The following GNAL variants were observed in gnomAD, a reference collection of about 807,000 sequenced individuals.
GNAL encodes the protein G protein subunit alpha L.
A neutral mutation model predicts 55.1 loss-of-function variants in GNAL; 18 were observed. That is an observed-to-expected ratio of 0.33 (90% CI 0.23 to 0.48). The LOEUF is 0.48. Ranked by LOEUF, GNAL falls within the 20% of genes least tolerant of loss-of-function variation. GNAL has a pLI of 0.99. For synonymous variants in GNAL, 253 were observed against 237.0 expected (o/e 1.07, Z -0.62); for missense variants, 412 against 614.1 (o/e 0.67, Z 3.48).
chr18:11,768,126 C>G (rs529391051), intron 4 of GNAL, among the ~76,000 whole-genome samples: 1 of 152,144 alleles, frequency 6.6e-6, no homozygotes, highest in Non-Finnish European at 1.5e-5. Context: ...ACTAAACATG[C>G]CTTTACTGAG....
intron 1 of GNAL, among the ~76,000 whole-genome samples, chr18:11,698,612 G>T (rs1480846935): frequency 6.6e-6 from 1 of 152,132 alleles, no homozygotes; most frequent in Non-Finnish European, 1.5e-5. Flanking sequence ...CAGTGACGGT[G>T]GCTGCTCTTG....
intron 4 of GNAL, among the ~76,000 whole-genome samples, chr18:11,795,895 G>A (rs550430295): frequency 6.6e-6 from 1 of 152,286 alleles, no homozygotes; most frequent in East Asian, 1.9e-4. Flanking sequence ...GCCTTGCCAT[G>A]GGTTAAGAGT....
intron 4 of GNAL, among the ~76,000 whole-genome samples, chr18:11,771,215 T>TA (rs539820206): frequency 0.063 from 8,087 of 128,584 alleles, 717 homozygotes; most frequent in African/African-American, 0.2. Context: ...TGAAACTCTG[T>TA]AAAAAAAAAA....
chr18:11,843,320 T>A (rs541474373), intron 5 of GNAL, among the ~76,000 whole-genome samples: 19 of 152,164 alleles, frequency 1.2e-4, no homozygotes, highest in African/African-American at 4.1e-4. Flanking sequence ...CCAATATGGT[T>A]TCACCTACTA....
chr18:11,803,526 A>G (rs1017318704), intron 4 of GNAL, among the ~76,000 whole-genome samples: 2 of 152,166 alleles, frequency 1.3e-5, no homozygotes, highest in African/African-American at 2.4e-5. Flanking sequence ...ACCAGTTTTT[A>G]TATATTATCT....
At chr18:11,698,719 T>TGG (rs67076514) in intron 1 of GNAL, among the ~76,000 whole-genome samples, 3 of 151,794 alleles carry the variant, frequency 2.0e-5, no homozygotes, top group African/African-American at 4.9e-5. Context: ...GAGACTGGAA[T>TGG]GGTGGGTGCT....
intron 4 of GNAL, among the ~76,000 whole-genome samples, chr18:11,806,408 T>A (rs1316440143): frequency 6.6e-6 from 1 of 152,220 alleles, no homozygotes; most frequent in Non-Finnish European, 1.5e-5. Flanking sequence ...TAGTCATGAA[T>A]TCTTTGCCTA....
intron 4 of GNAL, among the ~76,000 whole-genome samples, chr18:11,771,935 G>C (rs2033648561): frequency 6.6e-6 from 1 of 151,942 alleles, no homozygotes; most frequent in Non-Finnish European, 1.5e-5. Flanking sequence ...TGGCCAGCCT[G>C]GTCTCGAACT....
chr18:11,812,120 T>G (rs1255127822), intron 4 of GNAL, among the ~76,000 whole-genome samples: 3 of 152,098 alleles, frequency 2.0e-5, no homozygotes, highest in Admixed American at 1.3e-4. Context: ...ATTAATTTTG[T>G]GGGAAAAAAA....
chr18:11,851,906 T>C, intron 5 of GNAL: 2 of 1,613,822 alleles, frequency 1.2e-6, no homozygotes, highest in South Asian at 1.1e-5. Context: ...ACGCAGCAAA[T>C]GGAAGACACG....
At chr18:11,781,750 A>G (rs979642695) in intron 4 of GNAL, among the ~76,000 whole-genome samples, 10 of 152,234 alleles carry the variant, frequency 6.6e-5, no homozygotes, top group Admixed American at 5.2e-4. Context: ...ATACAACTGA[A>G]CTGCCAAGCT....
At chr18:11,806,913 C>T (rs994874508) in intron 4 of GNAL, among the ~76,000 whole-genome samples, 28 of 152,158 alleles carry the variant, frequency 1.8e-4, no homozygotes, top group African/African-American at 6.5e-4. Context: ...GTGATCCGCC[C>T]GCCTCGGCCT....
At position 11,689,478 on chromosome 18, in the gene GNAL, G is replaced by C. The variant is rs2031163321; in HGVS notation, c.-86G>C. 2 of 573,050 alleles carry C rather than the reference G, an allele frequency of 3.5e-6. No individual in the cohort carries two copies. Among genetic ancestry groups the C allele is most frequent in the South Asian group, 8.3e-5 (1 of 12,050 alleles). The allele number at this position is 573,050 out of a possible 1,614,324, so 35.5% of individuals were successfully genotyped here. On this transcript the variant is annotated 5_prime_UTR_variant, in exon 1 of 12. Transcript: ENST00000334049. Reference sequence around the variant, plus strand: ...CCTCCCGCCCCTCCGCTGAGGCGCCGGCCTGAACTGGGCGCGGGAACCAGG... The same window carrying C: ...CCTCCCGCCCCTCCGCTGAGGCGCCCGCCTGAACTGGGCGCGGGAACCAGG...
At chr18:11,733,329 A>C (rs2032384787) in intron 1 of GNAL, among the ~76,000 whole-genome samples, 1 of 152,228 alleles carries the variant, frequency 6.6e-6, no homozygotes, top group Non-Finnish European at 1.5e-5. Flanking sequence ...TCACCCTTTA[A>C]ACTGCTCTGC....
chr18:11,853,580 A>T (rs61262839), intron 5 of GNAL: 94 of 167,168 alleles, frequency 5.6e-4, no homozygotes, highest in African/African-American at 2.1e-3. Context: ...TTCATAACCA[A>T]CTATTCACTA....
At chr18:11,809,213 G>A (rs565259959) in intron 4 of GNAL, among the ~76,000 whole-genome samples, 2 of 151,974 alleles carry the variant, frequency 1.3e-5, no homozygotes, top group Admixed American at 6.5e-5. Flanking sequence ...AGCTGAGATC[G>A]TGCCACTGCC....
chr18:11,852,078 T>G (rs2035886654), intron 5 of GNAL: 1 of 1,610,390 alleles, frequency 6.2e-7, no homozygotes, highest in African/African-American at 1.3e-5. Context: ...ATGAACTGTC[T>G]CAGAGACTGG....
Position 11,746,472 on chromosome 18 carries a change from T to G in GNAL, c.377-6381T>G, listed in dbSNP as rs147030853. 2.4e-3 allele frequency: 597 copies of G among 244,712 alleles called. 1 individual carries two copies. The highest frequency in any genetic ancestry group is 0.012 in the African/African-American group (544 of 43,898). 15.2% of individuals were successfully genotyped at this position (244,712 alleles called of 1,614,324 possible). On this transcript the variant is annotated intron_variant, in intron 1 of 11. Coordinates refer to ENST00000334049, the MANE Select transcript of GNAL (RefSeq NM_182978.4). ...AGAAAATTTAAAAATTACCCAGGAG[T>G]GGTGGCACATGCCTGTAGTCCCAGC...
At chr18:11,702,819 T>TG in intron 1 of GNAL, among the ~76,000 whole-genome samples, 1 of 144,112 alleles carries the variant, frequency 6.9e-6, no homozygotes, top group East Asian at 2.1e-4. Flanking sequence ...CCTTCCCACT[T>TG]AAAAAAAAAA....
Sources: allele counts gnomAD v4.1 joint callset (sites outside exome capture counted in the v4.1 genomes callset), GRCh38; gene constraint gnomAD v4.1.1; transcripts MANE v1.5; gene names NCBI Gene and HGNC (gene_info 2026-07-23, HGNC 2026-07-21).